The following ARID4B variants were observed in gnomAD, a reference collection of about 807,000 sequenced individuals.
ARID4B encodes AT-rich interactive domain-containing protein 4B.
Under a neutral mutation model 147.5 loss-of-function variants are expected in ARID4B, and 26 were observed. That is an observed-to-expected ratio of 0.18 (90% CI 0.13 to 0.24). The LOEUF (loss-of-function observed/expected upper bound fraction) is 0.24. ARID4B is among the 10% of genes least tolerant of loss of function. The pLI is 1.00. For synonymous variants in ARID4B, 512 were observed against 507.9 expected (o/e 1.01, Z -0.11); for missense variants, 1,179 against 1,511.5 (o/e 0.78, Z 3.65).
In ARID4B at chr1:235,257,106, A is replaced by T. The variant is rs374528288; in HGVS notation, c.183+54T>A. On this transcript the variant is annotated intron_variant, in intron 4 of 23. Coordinates refer to ENST00000264183, the MANE Select transcript of ARID4B (RefSeq NM_016374.6). ...AAGAGCCAATGAATTAATACCAAGT[A>T]TGATTATTTTTTCCCAAACAACCAT... The T allele has an allele frequency of 2.5e-6, 3 of 1,201,000 alleles. No individual in the cohort carries two copies. In the African/African-American group the frequency reaches 4.5e-5, roughly 18 times the overall value. 74.4% of individuals were successfully genotyped at this position (1,201,000 alleles called of 1,614,324 possible). A position where few individuals can be genotyped will look rare whatever the true frequency, so the allele number is the denominator to read the frequency against.
At chr1:235,223,835 T>C (rs544293014) in intron 12 of ARID4B, among the ~76,000 whole-genome samples, 78 of 152,244 alleles carry the variant, frequency 5.1e-4, no homozygotes, top group Non-Finnish European at 9.3e-4. Context: ...GGCTTAATCA[T>C]ATTTTTTCAT....
chr1:235,221,884 C>CTTTTTTTTT (rs1370136402), intron 13 of ARID4B, among the ~76,000 whole-genome samples: 1 of 78,552 alleles, frequency 1.3e-5, no homozygotes, highest in Admixed American at 1.5e-4. Flanking sequence ...AGTCATTTGA[C>CTTTTTTTTT]TATTTTTTTT....
At chr1:235,206,815 GA>G (rs35708392) in intron 17 of ARID4B, among the ~76,000 whole-genome samples, 1 of 152,170 alleles carries the variant, frequency 6.6e-6, no homozygotes. Flanking sequence ...GATTTACACA[GA>G]AAAAGGAGAG....
intron 17 of ARID4B, among the ~76,000 whole-genome samples, chr1:235,208,676 G>A (rs867784481): frequency 6.7e-6 from 1 of 149,700 alleles, no homozygotes; most frequent in Non-Finnish European, 1.5e-5. Context: ...CTAATTTTGT[G>A]TTTTTTTTTA....
chr1:235,280,233 A>G (rs529283202), intron 2 of ARID4B, among the ~76,000 whole-genome samples: 6 of 135,560 alleles, frequency 4.4e-5, no homozygotes, highest in African/African-American at 1.5e-4. Flanking sequence ...AAACATTTTA[A>G]TATTATTTTA....
intron 23 of ARID4B, among the ~76,000 whole-genome samples, chr1:235,170,932 A>AAAT (rs1380493550): frequency 1.3e-4 from 20 of 151,092 alleles, no homozygotes; most frequent in African/African-American, 4.6e-4. Context: ...AAAAAAAAAA[A>AAAT]AACCACACAC....
At chr1:235,223,036 C>G in intron 13 of ARID4B, 130 bp downstream of exon 13, 1 of 633,336 alleles carries the variant, frequency 1.6e-6, no homozygotes, top group Non-Finnish European at 2.7e-6. Flanking sequence ...GTACTTTCCA[C>G]TTTATCTTCT....
intron 2 of ARID4B, among the ~76,000 whole-genome samples, chr1:235,303,372 A>G (rs12747368): frequency 0.29 from 44,458 of 151,148 alleles, 7,654 homozygotes; most frequent in South Asian, 0.53. Flanking sequence ...TAAAAACTAG[A>G]GGTGGGGGAA....
intron 6 of ARID4B, among the ~76,000 whole-genome samples, chr1:235,249,685 T>C (rs1669519560): frequency 6.6e-6 from 1 of 152,034 alleles, no homozygotes; most frequent in South Asian, 2.1e-4. Flanking sequence ...CTCACACCTG[T>C]AATCCCAGCA....
intron 2 of ARID4B, among the ~76,000 whole-genome samples, chr1:235,322,781 T>A (rs1425400072): frequency 1.3e-5 from 2 of 151,208 alleles, no homozygotes; most frequent in African/African-American, 4.9e-5. Context: ...ATGAATGACT[T>A]ATGAAAGGGG....
intron 23 of ARID4B, among the ~76,000 whole-genome samples, chr1:235,172,395 G>A (rs1268667997): frequency 6.6e-6 from 1 of 152,044 alleles, no homozygotes; most frequent in Non-Finnish European, 1.5e-5. Flanking sequence ...TGATTGACAT[G>A]GCGAAACCCT....
At chr1:235,304,872 G>T (rs1367487543) in intron 2 of ARID4B, among the ~76,000 whole-genome samples, 3 of 152,180 alleles carry the variant, frequency 2.0e-5, no homozygotes, top group Non-Finnish European at 4.4e-5. Flanking sequence ...GTGGTAAATA[G>T]TAAATACTAA....
At chr1:235,172,879 C>CT (rs1663469454) in intron 22 of ARID4B, 115 bp from the exon 23 acceptor site, 1 of 836,828 alleles carries the variant, frequency 1.2e-6, no homozygotes, top group African/African-American at 1.8e-5. Context: ...AACTAAAAAA[C>CT]TAAGGCTTCT....
At chr1:235,178,853 C>CAT (rs1553280611) in intron 20 of ARID4B, among the ~76,000 whole-genome samples, 2 of 151,272 alleles carry the variant, frequency 1.3e-5, no homozygotes, top group Admixed American at 1.3e-4. Context: ...AACTTCCTAG[C>CAT]TTTTTTTTAA....
At chr1:235,307,400 A>G (rs1010176343) in intron 2 of ARID4B, among the ~76,000 whole-genome samples, 1 of 152,250 alleles carries the variant, frequency 6.6e-6, no homozygotes, top group Admixed American at 6.5e-5. Flanking sequence ...AATTATGATC[A>G]CACCGCTAAA....
intron 6 of ARID4B, among the ~76,000 whole-genome samples, chr1:235,251,423 G>A (rs1178230384): frequency 6.6e-6 from 1 of 152,064 alleles, no homozygotes; most frequent in African/African-American, 2.4e-5. Context: ...TAAGGCAGAA[G>A]TACAGGGAAG....
intron 10 of ARID4B, among the ~76,000 whole-genome samples, chr1:235,230,896 C>CTCCAA (rs1668178632): frequency 1.3e-5 from 2 of 148,360 alleles, no homozygotes; most frequent in African/African-American, 5.0e-5. Flanking sequence ...CCACCCTGGG[C>CTCCAA]GACAGAGCAA....
intron 2 of ARID4B, among the ~76,000 whole-genome samples, chr1:235,302,190 AC>A (rs1673217930): frequency 3.4e-5 from 5 of 145,818 alleles, no homozygotes; most frequent in Admixed American, 6.9e-5. Context: ...GCAAAAAAAA[AC>A]AAAGAAACAA....
rs1664386389 is a variant in ARID4B, at chr1:235,182,513, T to C, written c.2406A>G (p.Lys802=). Residue 802 remains lysine (K), a synonymous_variant, in exon 20 of 24, where the codon AAA becomes AAG. Transcript: ENST00000264183. The part of the protein sequence containing the change: ...DTDYEEDEVT[K]KRKDVKKDTT... Reference sequence around the variant, plus strand: ...TGTCCTTCTTGACATCCTTTCTCTTTTTTGTGACTTCATCTTCTTCATAAT... The same window carrying C: ...TGTCCTTCTTGACATCCTTTCTCTTCTTTGTGACTTCATCTTCTTCATAAT... The C allele has an allele frequency of 1.2e-6, 2 of 1,613,060 alleles. No homozygotes were observed. The highest frequency in any genetic ancestry group is 2.7e-5 in the African/African-American group (2 of 74,832).
Sources: allele counts gnomAD v4.1 joint callset (sites outside exome capture counted in the v4.1 genomes callset), GRCh38; gene constraint gnomAD v4.1.1; transcripts MANE v1.5; gene names NCBI Gene and HGNC (gene_info 2026-07-23, HGNC 2026-07-21).